The following POLR3A variants were observed in gnomAD, a reference collection of about 807,000 sequenced individuals.
POLR3A encodes RNA polymerase III subunit A.
A neutral mutation model predicts 152.8 loss-of-function variants in POLR3A; 112 were observed. That is an observed-to-expected ratio of 0.73 (90% CI 0.63 to 0.86). The LOEUF is 0.86. Among genes scored for constraint, POLR3A ranks in the 40% least tolerant of loss-of-function variants. The pLI, the probability that POLR3A is intolerant of heterozygous loss-of-function variation, is 0.00. For missense variants in POLR3A, 1,385 were observed against 1,743.1 expected (o/e 0.79, Z 3.66); for synonymous variants, 615 against 652.1 (o/e 0.94, Z 0.87).
intron 10 of POLR3A, among the ~76,000 whole-genome samples, chr10:78,017,253 C>T (rs1401264526): frequency 6.6e-6 from 1 of 151,784 alleles, no homozygotes; most frequent in Non-Finnish European, 1.5e-5. Context: ...AGTGAGACCC[C>T]CGTCTCAACC....
At chr10:78,016,750 G>A (rs2131954773) in intron 10 of POLR3A, among the ~76,000 whole-genome samples, 1 of 150,238 alleles carries the variant, frequency 6.7e-6, no homozygotes, top group Non-Finnish European at 1.5e-5. Flanking sequence ...CATGGCACAT[G>A]CCTGTAGTCC....
chr10:77,997,562 C>G (rs1255385676), intron 19 of POLR3A, among the ~76,000 whole-genome samples: 3 of 152,052 alleles, frequency 2.0e-5, no homozygotes, highest in African/African-American at 7.3e-5. Flanking sequence ...ACAATTGCTT[C>G]AAAGAGAATA....
intron 11 of POLR3A, among the ~76,000 whole-genome samples, chr10:78,011,704 G>A (rs1302160500): frequency 6.6e-6 from 1 of 152,190 alleles, no homozygotes; most frequent in Non-Finnish European, 1.5e-5. Flanking sequence ...AAGGGGCTGA[G>A]ATTAGTGTAT....
Position 78,007,718 on chromosome 10 carries a change from C to T in POLR3A, c.2058G>A (p.Leu686=). The T allele has an allele frequency of 1.2e-6, 2 of 1,614,026 alleles. No homozygotes were observed. Among genetic ancestry groups the T allele is most frequent in the South Asian group, 1.1e-5 (1 of 91,076 alleles). Residue 686 remains leucine, a synonymous_variant, in exon 15 of 31, where the codon CTG becomes CTA. Coordinates refer to ENST00000372371, the MANE Select transcript of POLR3A (RefSeq NM_007055.4). ...AADAMSRLAR[L]APVYLSNRGF... ...GATACTTACACAGGTAGACAGGAGC[C>T]AGCCTGGCGAGCCGTGACATGGCAT...
chr10:77,999,987 G>C lies in POLR3A; in HGVS notation c.2610C>G (p.Tyr870Ter). The C allele has an allele frequency of 6.2e-7, 1 of 1,614,152 alleles. No homozygotes were observed. The highest frequency in any genetic ancestry group is 8.5e-7 in the Non-Finnish European group (1 of 1,179,996). ...DTAVKTAETG[Y>*]MQRRLVKSLE... ...CTACATTTCTTCAGGTTACCTGCAT[G>C]TATCCCGTTTCAGCTGTCTTTACAG... The change falls in exon 19 of 31, where the codon TAC becomes TAG. Residue 870 changes from tyrosine (Y) to a stop codon, truncating the protein, a stop_gained. Transcript: ENST00000372371. LOFTEE classifies it high-confidence loss of function.
chr10:77,999,812 T>C (rs917651912), intron 19 of POLR3A, among the ~76,000 whole-genome samples, 169 bp downstream of exon 19: 3 of 152,196 alleles, frequency 2.0e-5, no homozygotes, highest in African/African-American at 7.2e-5. Flanking sequence ...ATACTACATT[T>C]TTTTTGGTTG....
chr10:77,982,066 A>AG, intron 28 of POLR3A, 88 bp downstream of exon 28: 2 of 721,918 alleles, frequency 2.8e-6, no homozygotes, highest in South Asian at 3.3e-5. Flanking sequence ...AAAAAAAAAA[A>AG]GAAGTATACT....
chr10:78,006,122 C>T (rs1184734437), intron 15 of POLR3A, among the ~76,000 whole-genome samples: 1 of 152,062 alleles, frequency 6.6e-6, no homozygotes, highest in African/African-American at 2.4e-5. Context: ...ACAGCCTGGG[C>T]ATAGTGGCTC....
intron 28 of POLR3A, among the ~76,000 whole-genome samples, 187 bp from the exon 29 acceptor site, chr10:77,981,746 CG>C (rs1564613026): frequency 6.6e-6 from 1 of 151,684 alleles, no homozygotes; most frequent in African/African-American, 2.4e-5. Flanking sequence ...GCTGGGAGGC[CG>C]GGCACAGTGG....
At chr10:77,991,009 C>T (rs373386277) in intron 21 of POLR3A, 45 bp downstream of exon 21, 109 of 1,103,594 alleles carry the variant, frequency 9.9e-5, no homozygotes, top group South Asian at 7.2e-4. Context: ...GAGTTCTTTA[C>T]GACAGCCAGG....
intron 11 of POLR3A, among the ~76,000 whole-genome samples, chr10:78,010,862 T>C (rs1321278313): frequency 6.7e-6 from 1 of 150,344 alleles, no homozygotes; most frequent in Non-Finnish European, 1.5e-5. Flanking sequence ...TGTTTGTTTT[T>C]GAGACAGAGT....
intron 19 of POLR3A, among the ~76,000 whole-genome samples, chr10:77,997,931 A>C (rs1368652767): frequency 6.6e-6 from 1 of 151,898 alleles, no homozygotes; most frequent in Non-Finnish European, 1.5e-5. Context: ...CAAAACAGAG[A>C]TATAGACTGG....
chr10:78,022,677 TATCCGTGTGACAGAATAGGAAGGTAATA>T, intron 5 of POLR3A, among the ~76,000 whole-genome samples: 1 of 152,360 alleles, frequency 6.6e-6, no homozygotes, highest in South Asian at 2.1e-4. Flanking sequence ...TGTTATTTTT[TATCCGTGTGACAGAATAGGAAGGTAATA>T]AAAGCTGTTC....
intron 19 of POLR3A, among the ~76,000 whole-genome samples, chr10:77,994,477 T>C (rs1236187128): frequency 3.3e-5 from 5 of 151,100 alleles, no homozygotes; most frequent in African/African-American, 4.9e-5. Flanking sequence ...TCTGGTGTTT[T>C]AAGTAGTTAA....
intron 10 of POLR3A, among the ~76,000 whole-genome samples, chr10:78,015,358 C>T (rs1847512961): frequency 6.6e-6 from 1 of 152,148 alleles, no homozygotes; most frequent in Non-Finnish European, 1.5e-5. Flanking sequence ...GACGGAGCTT[C>T]ATTCTGCTGC....
chr10:78,007,844 C>T lies in POLR3A; in HGVS notation c.1932G>A (p.Glu644=). The change falls in exon 15 of 31, where the codon GAG becomes GAA. Residue 644 remains glutamate, a synonymous_variant. Transcript: ENST00000372371. ...CTTTGTCCATGCTGCCACTCATCAA[C>T]TCACTGTTCTGGATTGTAACATCTG... ...NDSYVTIQNS[E]LMSGSMDKGT... The T allele has an allele frequency of 6.2e-7, 1 of 1,613,508 alleles. No homozygotes were observed. The highest frequency in any genetic ancestry group is 1.1e-5 in the South Asian group (1 of 91,068).
Position 78,008,850 on chromosome 10 carries a change from A to G in POLR3A, c.1909+687T>C, listed in dbSNP as rs533880496. Among the ~76,000 whole-genome samples, 60 of 128,748 alleles carry G rather than the reference A, an allele frequency of 4.7e-4. 1 individual carries two copies. Among genetic ancestry groups the G allele is most frequent in the African/African-American group, 8.0e-4 (25 of 31,218 alleles). The allele number at this position is 128,748 out of a possible 152,430, so 84.5% of individuals were successfully genotyped here. A position where few individuals can be genotyped will look rare whatever the true frequency, so the allele number is the denominator to read the frequency against. Reference sequence around the variant, plus strand: ...CGTAGGGAGAACCTGTTTGTCTTTGAAAAAAAAAAAAAAAAATCAATCCAG... The same window carrying G: ...CGTAGGGAGAACCTGTTTGTCTTTGGAAAAAAAAAAAAAAAATCAATCCAG... On this transcript the variant is annotated intron_variant, in intron 14 of 30. Coordinates refer to ENST00000372371, the MANE Select transcript of POLR3A (RefSeq NM_007055.4).
chr10:78,015,807 C>A (rs1050882677), intron 10 of POLR3A, among the ~76,000 whole-genome samples: 16 of 152,088 alleles, frequency 1.1e-4, no homozygotes, highest in African/African-American at 3.6e-4. Flanking sequence ...TAGGTGTGTG[C>A]CATTGCCAGT....
At chr10:77,983,581 T>C (rs138819211) in intron 26 of POLR3A, among the ~76,000 whole-genome samples, 14 of 152,276 alleles carry the variant, frequency 9.2e-5, no homozygotes, top group Admixed American at 4.6e-4. Context: ...GCGCTGGGGA[T>C]CCACAGATGA....
Sources: allele counts gnomAD v4.1 joint callset (sites outside exome capture counted in the v4.1 genomes callset), GRCh38; gene constraint gnomAD v4.1.1; transcripts MANE v1.5; gene names NCBI Gene and HGNC (gene_info 2026-07-23, HGNC 2026-07-21).